Variants in CELSR1 observed in about 807,000 individuals in gnomAD.
CELSR1 encodes the protein cadherin EGF LAG seven-pass G-type receptor 1, also known as adhesion G protein-coupled receptor C1.
CELSR1 carries 110 observed loss-of-function variants against 249.1 expected under a neutral mutation model. The ratio of observed to expected loss-of-function variants is 0.44; its 90% CI spans 0.38 to 0.52. CELSR1 has a LOEUF of 0.52. Ranked by LOEUF, CELSR1 falls within the 20% of genes least tolerant of loss-of-function variation. The pLI is 0.00. For synonymous variants in CELSR1, 2,113 were observed against 1,900.0 expected, an observed-to-expected ratio of 1.11 and a Z score of -2.92; for missense variants, 4,109 against 4,296.4, an observed-to-expected ratio of 0.96 and a Z score of 1.22.
At chr22:46,420,995 T>C (rs975718697) in intron 5 of CELSR1, among the ~76,000 whole-genome samples, 2 of 151,764 alleles carry the variant, frequency 1.3e-5, no homozygotes, top group Non-Finnish European at 2.9e-5. Context: ...GATACACGGG[T>C]GGGTGAGAGA....
rs539223600 is a variant in CELSR1, at chr22:46,446,601, G to A, written c.4184-7190C>T. On this transcript the variant is annotated intron_variant, in intron 2 of 34. Transcript: ENST00000674500. This position sits in a 1 kb window ranked among gnomAD's most constrained non-coding sequence, Gnocchi z 5.5. ...TGCTGAGCACCTGGCAGGGAGGGTC[G>A]CAGGGGGTCGGTGGGGGGGAAAGCT... 6.6e-6 allele frequency among the ~76,000 whole-genome samples: 1 copy of A among 152,008 alleles called. No individual in the cohort carries two copies. Among genetic ancestry groups the A allele is most frequent in the African/African-American group, 2.4e-5 (1 of 41,366 alleles).
In CELSR1 at chr22:46,447,723, G is replaced by A. The variant is rs772839584; in HGVS notation, c.4184-8312C>T. 2.6e-5 allele frequency among the ~76,000 whole-genome samples: 4 copies of A among 152,166 alleles called. No individual in the cohort carries two copies. The highest frequency in any genetic ancestry group is 4.8e-5 in the African/African-American group (2 of 41,452). The stretch of plus-strand genomic sequence containing the variant: ...CAACCTCCACCTCCCAGGTTCAAGC[G>A]ATTCTCCTGCCTCAGCCTCCCGAGT... On this transcript the variant is annotated intron_variant, in intron 2 of 34. Coordinates refer to ENST00000674500, the MANE Select transcript of CELSR1 (RefSeq NM_001378328.1). This position sits in a 1 kb window ranked among gnomAD's most constrained non-coding sequence, Gnocchi z 4.7.
At chr22:46,451,478 G>A (rs191538422) in intron 2 of CELSR1, among the ~76,000 whole-genome samples, 187 of 152,352 alleles carry the variant, frequency 1.2e-3, no homozygotes, top group African/African-American at 4.0e-3. Flanking sequence ...TCTTACGGGA[G>A]TCACCTACAC....
rs2079496779 is a variant in CELSR1 at position 46,423,107 on chromosome 22, C to T, written c.4611+10286G>A. ...GATAAGGCCTGGAAAGCACCGTGCA[C>T]TGGGACTCGCCCTCTCTGGCTGCTA... On this transcript the variant is annotated intron_variant, in intron 5 of 34. Coordinates refer to ENST00000674500, the MANE Select transcript of CELSR1 (RefSeq NM_001378328.1). This position sits in a 1 kb window ranked among gnomAD's most constrained non-coding sequence, Gnocchi z 5.6. Among the ~76,000 whole-genome samples, 1 of 152,188 alleles carries T rather than the reference C, an allele frequency of 6.6e-6. No homozygotes were observed.
intron 2 of CELSR1, among the ~76,000 whole-genome samples, chr22:46,459,038 G>A (rs5768779): frequency 7.3e-5 from 11 of 150,950 alleles, no homozygotes; most frequent in Non-Finnish European, 1.5e-4. Context: ...GACTACAGGC[G>A]TGTGCCACCA....
intron 17 of CELSR1, among the ~76,000 whole-genome samples, chr22:46,389,758 A>G (rs567648213): frequency 5.3e-5 from 8 of 151,910 alleles, no homozygotes; most frequent in Admixed American, 3.3e-4. Flanking sequence ...TCTACTCTCT[A>G]TTTTGAAAAT....
chr22:46,512,529 A>G lies in CELSR1; in HGVS notation c.3544+21098T>C, dbSNP rs145142607. Among the ~76,000 whole-genome samples, 986 of 152,220 alleles carry G rather than the reference A, an allele frequency of 6.5e-3. 5 individuals carry two copies. Among genetic ancestry groups the G allele is most frequent in the Non-Finnish European group, 0.012 (814 of 67,992 alleles). ...GGAGGTTTCAGTGAGCCGAGATCAC[A>G]CCACTGCACTCCAGCCTGGGTGAAA... On this transcript the variant is annotated intron_variant, in intron 1 of 34. Coordinates refer to ENST00000674500, the MANE Select transcript of CELSR1 (RefSeq NM_001378328.1). The surrounding 1 kb of genome is among the most constrained non-coding windows in gnomAD (Gnocchi z 5.2).
chr22:46,370,961 C>T (rs2078844827), intron 25 of CELSR1, among the ~76,000 whole-genome samples: 1 of 152,244 alleles, frequency 6.6e-6, no homozygotes, highest in Admixed American at 6.5e-5. Flanking sequence ...AGGGCAGAGG[C>T]ATCGCAGAGA....
At chr22:46,509,105 A>G (rs910097086) in intron 1 of CELSR1, among the ~76,000 whole-genome samples, 1 of 152,184 alleles carries the variant, frequency 6.6e-6, no homozygotes, top group Non-Finnish European at 1.5e-5. Flanking sequence ...GCACCCCTCC[A>G]GTGCCCAGGG....
chr22:46,470,923 G>C (rs556331727), intron 1 of CELSR1, among the ~76,000 whole-genome samples: 126 of 152,106 alleles, frequency 8.3e-4, no homozygotes, highest in Non-Finnish European at 1.6e-3. Flanking sequence ...TCAGGAGTTC[G>C]AGACTAGCCT....
intron 5 of CELSR1, among the ~76,000 whole-genome samples, chr22:46,426,460 T>G (rs1372154743): frequency 6.6e-6 from 1 of 152,116 alleles, no homozygotes; most frequent in African/African-American, 2.4e-5. Flanking sequence ...AGACCACACC[T>G]TCTTACCACA....
In CELSR1 at chr22:46,506,886, T is replaced by C. The variant is rs2080520268; in HGVS notation, c.3544+26741A>G. On this transcript the variant is annotated intron_variant, in intron 1 of 34. Transcript: ENST00000674500. This position sits in a 1 kb window ranked among gnomAD's most constrained non-coding sequence, Gnocchi z 4.1. ...CACAGCCTGCACACACAGGAAGTCCTTTTTTCCAACACATAAAAACCGATT... is the reference window on the plus strand; with the variant it reads ...CACAGCCTGCACACACAGGAAGTCCCTTTTTCCAACACATAAAAACCGATT... Among the ~76,000 whole-genome samples the C allele has an allele frequency of 6.6e-6, 1 of 152,118 alleles. No individual in the cohort carries two copies.
intron 2 of CELSR1, among the ~76,000 whole-genome samples, chr22:46,453,696 G>C (rs2079912677): frequency 6.6e-6 from 1 of 152,150 alleles, no homozygotes; most frequent in African/African-American, 2.4e-5. Context: ...AGGTCGTCTG[G>C]GTCACTACTC....
chr22:46,492,061 G>C (rs570970972), intron 1 of CELSR1, among the ~76,000 whole-genome samples: 1 of 152,344 alleles, frequency 6.6e-6, no homozygotes, highest in African/African-American at 2.4e-5. Context: ...GACACACAAG[G>C]AAACAACTGC....
In CELSR1 at chr22:46,402,526, G is replaced by C. The variant is rs978193049; in HGVS notation, c.5227-2624C>G. ...GCCACTGCACCTGGCCCCCATTCTAGTTTCAAATGCTCTCTAGTTTTTCAA... is the reference window on the plus strand; with the variant it reads ...GCCACTGCACCTGGCCCCCATTCTACTTTCAAATGCTCTCTAGTTTTTCAA... On this transcript the variant is annotated intron_variant, in intron 9 of 34. Coordinates refer to ENST00000674500, the MANE Select transcript of CELSR1 (RefSeq NM_001378328.1). This position sits in a 1 kb window ranked among gnomAD's most constrained non-coding sequence, Gnocchi z 5.0. 6.6e-6 allele frequency among the ~76,000 whole-genome samples: 1 copy of C among 152,098 alleles called. No homozygotes were observed. The highest frequency in any genetic ancestry group is 1.5e-5 in the Non-Finnish European group (1 of 68,034).
chr22:46,478,460 G>C (rs1177172243), intron 1 of CELSR1, among the ~76,000 whole-genome samples: 2 of 152,160 alleles, frequency 1.3e-5, no homozygotes, highest in Non-Finnish European at 1.5e-5. Flanking sequence ...CTGAGCACCT[G>C]CCAAGGGACA....
rs1281082864 is a variant in CELSR1, at chr22:46,363,376, G to C, written c.9036-129C>G. Reference sequence around the variant, plus strand: ...GTAGAGGGGGCGTCTGGGGGCTCCAGGGAGGGCAAGCTCATGTTGGATGAG... The same window carrying C: ...GTAGAGGGGGCGTCTGGGGGCTCCACGGAGGGCAAGCTCATGTTGGATGAG... On this transcript the variant is annotated intron_variant, in intron 34 of 34. Coordinates refer to ENST00000674500, the MANE Select transcript of CELSR1 (RefSeq NM_001378328.1). The surrounding 1 kb of genome is among the most constrained non-coding windows in gnomAD (Gnocchi z 4.3). 3 of 727,418 alleles carry C rather than the reference G, an allele frequency of 4.1e-6. No individual in the cohort carries two copies. The highest frequency in any genetic ancestry group is 1.8e-5 in the African/African-American group (1 of 56,688). 45.1% of individuals were successfully genotyped at this position (727,418 alleles called of 1,614,324 possible).
intron 1 of CELSR1, among the ~76,000 whole-genome samples, chr22:46,479,979 T>C (rs1454892300): frequency 6.6e-6 from 1 of 152,234 alleles, no homozygotes; most frequent in African/African-American, 2.4e-5. Context: ...AAGTAGGCAA[T>C]GCTCGGTTTA....
At position 46,374,700 on chromosome 22, in the gene CELSR1, C is replaced by A. The variant is rs2078898397; in HGVS notation, c.7585-1643G>T. Among the ~76,000 whole-genome samples the A allele has an allele frequency of 6.6e-6, 1 of 152,202 alleles. No individual in the cohort carries two copies. Among genetic ancestry groups the A allele is most frequent in the South Asian group, 2.1e-4 (1 of 4,830 alleles). On this transcript the variant is annotated intron_variant, in intron 24 of 34. Coordinates refer to ENST00000674500, the MANE Select transcript of CELSR1 (RefSeq NM_001378328.1). The surrounding 1 kb of genome is among the most constrained non-coding windows in gnomAD (Gnocchi z 4.3). ...GGCCTGCACCGACTCCCCTCTCCCC[C>A]ATTCACGCCACTCAAAAGCACACTA...
Sources: allele counts gnomAD v4.1 joint callset (sites outside exome capture counted in the v4.1 genomes callset), GRCh38; gene constraint gnomAD v4.1.1; non-coding constraint Gnocchi (gnomAD v3.1); transcripts MANE v1.5; gene names NCBI Gene and HGNC (gene_info 2026-07-23, HGNC 2026-07-21).